Variants in PREP observed in about 807,000 individuals in gnomAD.
PREP encodes prolyl endopeptidase.
A neutral mutation model predicts 87.6 loss-of-function variants in PREP; 29 were observed. That is an observed-to-expected ratio of 0.33 (90% confidence interval 0.25 to 0.45). The LOEUF is 0.45. Among genes scored for constraint, PREP ranks in the 20% least tolerant of loss-of-function variants. The probability of loss-of-function intolerance (pLI) is 1.00; values close to 1 mark genes in which losing one functional copy is unlikely to be tolerated. For synonymous variants in PREP, 337 were observed against 328.6 expected (o/e 1.03, Z -0.28); for missense variants, 695 against 886.5 (o/e 0.78, Z 2.74).
In PREP at chr6:105,293,402, A is replaced by C. The variant is rs148015700; in HGVS notation, c.1318-4508T>G. ...CACAGTCTTATACGGGTGTGGTCTT[A>C]TACCACAAAACAATTACAATAGTAA... On this transcript the variant is annotated intron_variant, in intron 10 of 14. Coordinates refer to ENST00000652536, the MANE Select transcript of PREP (RefSeq NM_002726.5). 6.6e-5 allele frequency among the ~76,000 whole-genome samples: 10 copies of C among 152,346 alleles called. No homozygotes were observed. The East Asian group carries it at 1.9e-3, about 29-fold the overall frequency.
chr6:105,362,967 G>A (rs1374389840), intron 6 of PREP, among the ~76,000 whole-genome samples: 1 of 152,126 alleles, frequency 6.6e-6, no homozygotes, highest in Non-Finnish European at 1.5e-5. Flanking sequence ...CTTCCACAGG[G>A]GACATGGGAA....
intron 10 of PREP, among the ~76,000 whole-genome samples, chr6:105,292,092 T>G (rs1770308624): frequency 6.6e-6 from 1 of 152,156 alleles, no homozygotes; most frequent in African/African-American, 2.4e-5. Context: ...TTCAGAATCA[T>G]CCATGAGCGT....
intron 1 of PREP, among the ~76,000 whole-genome samples, chr6:105,400,806 A>G (rs72939785): frequency 0.038 from 5,723 of 152,316 alleles, 172 homozygotes; most frequent in South Asian, 0.14. Flanking sequence ...TCAGCAGGAG[A>G]GTACTGAGCA....
rs530148616 is a variant in PREP at position 105,275,880 on chromosome 6, A to T, written c.*2264T>A. ...TCTCCACTCATGTGGGAGCTAAAAA[A>T]GCAGGCAGAGAAAGGGAGGATGAAG... On this transcript the variant is annotated 3_prime_UTR_variant, in exon 15 of 15. Transcript: ENST00000652536. 1.1e-3 allele frequency among the ~76,000 whole-genome samples: 165 copies of T among 152,374 alleles called. No individual in the cohort carries two copies. Among genetic ancestry groups the T allele is most frequent in the African/African-American group, 3.8e-3 (158 of 41,596 alleles).
chr6:105,370,950 T>A (rs945133091), intron 5 of PREP, among the ~76,000 whole-genome samples: 1 of 152,224 alleles, frequency 6.6e-6, no homozygotes, highest in Non-Finnish European at 1.5e-5. Flanking sequence ...TGGATACATG[T>A]CACTATACAT....
At chr6:105,348,447 T>TG (rs1771855981) in intron 7 of PREP, among the ~76,000 whole-genome samples, 1 of 152,002 alleles carries the variant, frequency 6.6e-6, no homozygotes, top group African/African-American at 2.4e-5. Context: ...GGCAACTCCA[T>TG]GGGGAACAAG....
chr6:105,283,131 C>T (rs1026376592), intron 12 of PREP, among the ~76,000 whole-genome samples: 1 of 152,202 alleles, frequency 6.6e-6, no homozygotes, highest in Non-Finnish European at 1.5e-5. Context: ...AGAAATTCCC[C>T]AGTCTTGCCC....
rs182660529 is a variant in PREP at position 105,372,835 on chromosome 6, C to A, written c.595+534G>T. Among the ~76,000 whole-genome samples the A allele has an allele frequency of 5.3e-5, 8 of 152,296 alleles. No homozygotes were observed. The East Asian group carries it at 1.5e-3, about 29-fold the overall frequency. ...GGGACTGATTGATTGTAATAATGAT[C>A]TCATTTTTCCGCAGTTCCCTGTATC... On this transcript the variant is annotated intron_variant, in intron 5 of 14. Coordinates refer to ENST00000652536, the MANE Select transcript of PREP (RefSeq NM_002726.5).
At chr6:105,398,154 G>A (rs996510526) in intron 1 of PREP, among the ~76,000 whole-genome samples, 2 of 152,160 alleles carry the variant, frequency 1.3e-5, no homozygotes, top group African/African-American at 2.4e-5. Context: ...AAAGAAAGAT[G>A]AAAGGTCAGA....
chr6:105,313,547 T>C (rs914649032), intron 10 of PREP, among the ~76,000 whole-genome samples: 7 of 152,246 alleles, frequency 4.6e-5, no homozygotes, highest in Non-Finnish European at 1.0e-4. Flanking sequence ...ATGATCACAG[T>C]TGTGTTTCTA....
intron 6 of PREP, among the ~76,000 whole-genome samples, chr6:105,366,682 A>C (rs967653438): frequency 6.6e-6 from 1 of 152,184 alleles, no homozygotes; most frequent in African/African-American, 2.4e-5. Context: ...TGTGGAAAGC[A>C]ACCCAAGTGC....
chr6:105,296,401 T>G (rs1770414181), intron 10 of PREP, among the ~76,000 whole-genome samples: 1 of 152,196 alleles, frequency 6.6e-6, no homozygotes, highest in Non-Finnish European at 1.5e-5. Flanking sequence ...TTTTTTAACT[T>G]TCTCTGTGGT....
In PREP at chr6:105,283,806, T is replaced by C. The variant is rs186357296; in HGVS notation, c.1550-1224A>G. ...TGTTAGCCTTAGTCAATCTTGAACC[T>C]GCCTAATCCCAAGACTGGAAAATAA... is the stretch of plus-strand genomic sequence containing the variant. On this transcript the variant is annotated intron_variant, in intron 12 of 14. Transcript: ENST00000652536. 1.7e-4 allele frequency among the ~76,000 whole-genome samples: 26 copies of C among 152,316 alleles called. 1 individual carries two copies. Among genetic ancestry groups the C allele is most frequent in the Admixed American group, 1.5e-3 (23 of 15,294 alleles).
intron 14 of PREP, chr6:105,281,521 G>GA: frequency 2.2e-6 from 1 of 463,348 alleles, no homozygotes; most frequent in Non-Finnish European, 3.8e-6. Context: ...ATCTTGGGAG[G>GA]CCATCTGTAG....
intron 10 of PREP, among the ~76,000 whole-genome samples, chr6:105,306,927 C>A (rs1314317840): frequency 2.0e-5 from 3 of 152,222 alleles, no homozygotes; most frequent in African/African-American, 7.2e-5. Context: ...TGCTTATCTG[C>A]AGCACTGTGA....
chr6:105,340,042 C>T (rs557892738), intron 7 of PREP, among the ~76,000 whole-genome samples: 22 of 152,154 alleles, frequency 1.4e-4, no homozygotes, highest in Non-Finnish European at 2.8e-4. Context: ...ATACAGAGAA[C>T]GCCACAGAGA....
chr6:105,324,499 CAA>C (rs1771095536), intron 9 of PREP, among the ~76,000 whole-genome samples: 1 of 152,126 alleles, frequency 6.6e-6, no homozygotes, highest in African/African-American at 2.4e-5. Flanking sequence ...AATAATAAGA[CAA>C]GTCATTAATG....
Position 105,275,818 on chromosome 6 carries a change from GA to G in PREP, c.*2325del, listed in dbSNP as rs1241306115. On this transcript the variant is annotated 3_prime_UTR_variant, in exon 15 of 15. Transcript: ENST00000652536. The stretch of plus-strand genomic sequence containing the variant: ...GGAACTGAAGGTCAATATGGTAAGT[GA>G]AATAAGCCAGGCACAGGAAGACAAA... Among the ~76,000 whole-genome samples the G allele has an allele frequency of 6.6e-6, 1 of 152,224 alleles. No individual in the cohort carries two copies. Among genetic ancestry groups the G allele is most frequent in the African/African-American group, 2.4e-5 (1 of 41,458 alleles).
intron 6 of PREP, among the ~76,000 whole-genome samples, chr6:105,356,010 T>C (rs756267705): frequency 6.6e-6 from 1 of 152,188 alleles, no homozygotes; most frequent in Non-Finnish European, 1.5e-5. Context: ...TAAGTCCTTA[T>C]ATGTTAATTC....
Sources: gnomAD v4.1 joint callset for allele counts (sites outside exome capture counted in the v4.1 genomes callset) on GRCh38, gnomAD v4.1.1 for gene constraint, MANE v1.5 for transcripts, NCBI Gene and HGNC (gene_info 2026-07-23, HGNC 2026-07-21) for gene names.